The following RHBDL3 variants were observed in gnomAD, a reference collection of about 807,000 sequenced individuals.
The protein encoded by RHBDL3 is rhomboid like 3.
A neutral mutation model predicts 48.2 loss-of-function variants in RHBDL3; 28 were observed. That is an observed-to-expected ratio of 0.58 (90% CI 0.43 to 0.80). The LOEUF (loss-of-function observed/expected upper bound fraction) is 0.80. RHBDL3 is among the 30% of genes least tolerant of loss of function. The probability of loss-of-function intolerance (pLI) is 0.00; values close to 1 mark genes in which losing one functional copy is unlikely to be tolerated. For missense variants in RHBDL3, 464 were observed against 542.7 expected (o/e 0.85, Z 1.44); for synonymous variants, 208 against 232.3 (o/e 0.90, Z 0.95).
chr17:32,285,233 CCTGGTATTTTCTCCCT>C (rs1211284179), intron 3 of RHBDL3, among the ~76,000 whole-genome samples: 1 of 152,028 alleles, frequency 6.6e-6, no homozygotes, highest in Non-Finnish European at 1.5e-5. Flanking sequence ...TTGCACAAGG[CCTGGTATTTTCTCCCT>C]CCCATTGGCC....
intron 6 of RHBDL3, among the ~76,000 whole-genome samples, chr17:32,302,051 C>T (rs2040595945): frequency 6.6e-6 from 1 of 152,208 alleles, no homozygotes; most frequent in African/African-American, 2.4e-5. Flanking sequence ...ATTTGTAATC[C>T]TGATGAGAAC....
chr17:32,291,226 G>A (rs2040320320), intron 4 of RHBDL3, among the ~76,000 whole-genome samples: 1 of 151,318 alleles, frequency 6.6e-6, no homozygotes, highest in South Asian at 2.1e-4. Context: ...CCAGCTACTG[G>A]GGAGGCTGAG....
At chr17:32,270,223 T>A (rs1295411487) in intron 2 of RHBDL3, among the ~76,000 whole-genome samples, 1 of 151,014 alleles carries the variant, frequency 6.6e-6, no homozygotes, top group East Asian at 1.9e-4. Context: ...TCAGAGTCCC[T>A]GTAAGCACAA....
chr17:32,291,852 A>G (rs1444865855), intron 4 of RHBDL3, among the ~76,000 whole-genome samples: 2 of 143,400 alleles, frequency 1.4e-5, no homozygotes, highest in African/African-American at 2.6e-5. Flanking sequence ...GCTCACTGCA[A>G]CCTCCGCCGG....
At chr17:32,304,278 T>C (rs1052202908) in intron 6 of RHBDL3, among the ~76,000 whole-genome samples, 3 of 152,142 alleles carry the variant, frequency 2.0e-5, no homozygotes, top group South Asian at 4.1e-4. Flanking sequence ...TGTTGGCCTT[T>C]TGTGATTTAG....
intron 8 of RHBDL3, among the ~76,000 whole-genome samples, chr17:32,317,791 A>G (rs2041011289): frequency 6.6e-6 from 1 of 152,214 alleles, no homozygotes. Context: ...GGATAACCAG[A>G]GTTTTAGAAA....
At chr17:32,305,629 T>C (rs939074115) in intron 7 of RHBDL3, among the ~76,000 whole-genome samples, 188 bp downstream of exon 7, 4 of 152,208 alleles carry the variant, frequency 2.6e-5, no homozygotes, top group Admixed American at 2.6e-4. Flanking sequence ...GATTCCTATT[T>C]TCTCCAGTCA....
chr17:32,283,480 C>T (rs57882334), intron 2 of RHBDL3, among the ~76,000 whole-genome samples: 4,603 of 151,934 alleles, frequency 0.03, 217 homozygotes, highest in African/African-American at 0.1. Context: ...CACACCACCA[C>T]GCCCGGCTAC....
intron 2 of RHBDL3, chr17:32,280,319 C>G (rs566613098): frequency 6.6e-6 from 1 of 152,322 alleles, no homozygotes; most frequent in African/African-American, 2.4e-5. Context: ...GAGCACCTCA[C>G]TACCAAAGTG....
intron 2 of RHBDL3, among the ~76,000 whole-genome samples, chr17:32,282,383 G>T (rs572567954): frequency 6.6e-6 from 1 of 152,118 alleles, no homozygotes; most frequent in Non-Finnish European, 1.5e-5. Context: ...CCTGGGCAAC[G>T]TAGTGAGAGC....
At position 32,297,052 on chromosome 17, in the gene RHBDL3, C is replaced by T. The variant is rs144491401; in HGVS notation, c.669-1040C>T. ...TTTTAGTAAAGACGGGGTTTCACCA[C>T]GCTGGCCAGGCTGGTCTCGAACTCC... On this transcript the variant is annotated intron_variant, in intron 5 of 8. Coordinates refer to ENST00000269051, the MANE Select transcript of RHBDL3 (RefSeq NM_138328.3). Among the ~76,000 whole-genome samples the T allele has an allele frequency of 6.6e-3, 996 of 151,684 alleles. 5 individuals carry two copies. Among genetic ancestry groups the T allele is most frequent in the African/African-American group, 0.023 (949 of 41,494 alleles).
intron 4 of RHBDL3, among the ~76,000 whole-genome samples, chr17:32,291,338 AG>A (rs1475240053): frequency 6.8e-6 from 1 of 145,998 alleles, no homozygotes; most frequent in Non-Finnish European, 1.5e-5. Context: ...GTCTCAAAAA[AG>A]AAAAAAAGAA....
chr17:32,282,448 T>C (rs1052450413), intron 2 of RHBDL3, among the ~76,000 whole-genome samples: 1 of 152,080 alleles, frequency 6.6e-6, no homozygotes, highest in East Asian at 1.9e-4. Context: ...ACAACTGTGG[T>C]CCCAGCTACT....
intron 2 of RHBDL3, among the ~76,000 whole-genome samples, chr17:32,269,518 T>C (rs956747873): frequency 6.6e-6 from 1 of 152,212 alleles, no homozygotes; most frequent in African/African-American, 2.4e-5. Flanking sequence ...GGGGTGATCA[T>C]CCACATTAAC....
chr17:32,277,944 A>G (rs2039953105), intron 2 of RHBDL3, among the ~76,000 whole-genome samples: 1 of 152,252 alleles, frequency 6.6e-6, no homozygotes, highest in Non-Finnish European at 1.5e-5. Flanking sequence ...GTAGGACCAC[A>G]GAACCCTTAT....
In RHBDL3 at chr17:32,276,663, C is replaced by T. The variant is rs549544474; in HGVS notation, c.136-7996C>T. On this transcript the variant is annotated intron_variant, in intron 2 of 8. Coordinates refer to ENST00000269051, the MANE Select transcript of RHBDL3 (RefSeq NM_138328.3). ...TAGCACCGTACTCCAGCCCTAGCAC[C>T]GGACTCCAGCGCTAGCACCGTACTC... is the stretch of plus-strand genomic sequence containing the variant. Among the ~76,000 whole-genome samples the T allele has an allele frequency of 6.4e-4, 97 of 150,572 alleles. 1 individual carries two copies. Among genetic ancestry groups the T allele is most frequent in the Admixed American group, 1.3e-3 (20 of 15,102 alleles).
chr17:32,314,005 C>T (rs961999155), intron 7 of RHBDL3, among the ~76,000 whole-genome samples: 2 of 152,064 alleles, frequency 1.3e-5, no homozygotes, highest in African/African-American at 2.4e-5. Context: ...CTGATCTGTC[C>T]GACTCGGCCT....
In RHBDL3 at chr17:32,271,580, A is replaced by G. The variant is rs186983483; in HGVS notation, c.135+3655A>G. ...CAGATATGGGACCAGAGCCCAGTTA[A>G]CCCACAAAGGGCTTCTTGGGTTGGA... On this transcript the variant is annotated intron_variant, in intron 2 of 8. Transcript: ENST00000269051. 3.9e-5 allele frequency among the ~76,000 whole-genome samples: 6 copies of G among 152,302 alleles called. No individual in the cohort carries two copies. The East Asian group carries it at 1.2e-3, about 29-fold the overall frequency.
At chr17:32,307,039 T>C (rs2040726616) in intron 7 of RHBDL3, among the ~76,000 whole-genome samples, 1 of 152,162 alleles carries the variant, frequency 6.6e-6, no homozygotes, top group African/African-American at 2.4e-5. Context: ...GAGGCCAGGA[T>C]GGGGTCAGAC....
Sources: allele counts gnomAD v4.1 joint callset (sites outside exome capture counted in the v4.1 genomes callset), GRCh38; gene constraint gnomAD v4.1.1; transcripts MANE v1.5; gene names NCBI Gene and HGNC (gene_info 2026-07-23, HGNC 2026-07-21).